The following MED13L variants were observed in gnomAD, a reference collection of about 807,000 sequenced individuals.
MED13L encodes mediator complex subunit 13L.
A neutral mutation model predicts 220.9 loss-of-function variants in MED13L; 7 were observed. That is an observed-to-expected ratio of 0.03 (90% CI 0.02 to 0.06). The LOEUF is 0.06. Ranked by LOEUF, MED13L falls within the 10% of genes least tolerant of loss-of-function variation. MED13L has a pLI of 1.00. For synonymous variants in MED13L, 1,011 were observed against 1,015.2 expected (o/e 1.00, Z 0.08); for missense variants, 1,965 against 2,760.5 (o/e 0.71, Z 6.46).
intron 2 of MED13L, among the ~76,000 whole-genome samples, chr12:116,158,241 A>G (rs2138124044): frequency 6.6e-6 from 1 of 151,944 alleles, no homozygotes; most frequent in Admixed American, 6.6e-5. Context: ...AAAACCTAGG[A>G]TGACTTCAAC....
chr12:115,991,662 C>G lies in MED13L; in HGVS notation c.3292G>C (p.Ala1098Pro). 6.2e-7 allele frequency: 1 copy of G among 1,613,914 alleles called. No individual in the cohort carries two copies. The highest frequency in any genetic ancestry group is 8.5e-7 in the Non-Finnish European group (1 of 1,179,968). Residue 1098 changes from alanine to proline, a missense_variant, in exon 17 of 31, where the codon GCC becomes CCC. By Grantham distance (27) the Ala-to-Pro change is conservative. Around this residue, in one of 10 missense-constraint regions of MED13L, gnomAD observed 233 missense variants for 306.2 expected, o/e 0.76. Transcript: ENST00000281928. This position sits in a 1 kb window ranked among gnomAD's most constrained non-coding sequence, Gnocchi z 7.7. ...GCTTCGGGAATTGGCTGCATGGTGGCGGGCTCCACAGAGTTGAGGGGCCGT... is the reference window on the plus strand; with the variant it reads ...GCTTCGGGAATTGGCTGCATGGTGGGGGGCTCCACAGAGTTGAGGGGCCGT... Reference protein sequence around the residue: ...TTRPLNSVEPATMQPIPEAHS... With the variant: ...TTRPLNSVEPPTMQPIPEAHS...
chr12:116,118,840 T>C (rs1243244300), intron 2 of MED13L, among the ~76,000 whole-genome samples: 3 of 152,236 alleles, frequency 2.0e-5, no homozygotes, highest in Admixed American at 6.5e-5. Flanking sequence ...CACATGTATG[T>C]GCAAACCACT....
chr12:116,177,546 C>A (rs1422599517), intron 2 of MED13L, among the ~76,000 whole-genome samples: 1 of 152,172 alleles, frequency 6.6e-6, no homozygotes, highest in Non-Finnish European at 1.5e-5. Flanking sequence ...AGTCATTTCA[C>A]ATGAAAGTTT....
At chr12:116,076,992 C>T (rs1565865286) in intron 4 of MED13L, among the ~76,000 whole-genome samples, 1 of 152,252 alleles carries the variant, frequency 6.6e-6, no homozygotes. Context: ...GCACTTTCCT[C>T]TCCAGTCAGT....
rs758248319 is a variant in MED13L at position 116,022,505 on chromosome 12, G to A, written c.576C>T (p.Ile192=). ...GAGCCATGTGTATATGCTCCTCATTGATCAAATAAATTGGCTGGTGCTGGG... is the reference window on the plus strand; with the variant it reads ...GAGCCATGTGTATATGCTCCTCATTAATCAAATAAATTGGCTGGTGCTGGG... ...EIAQHQPIYL[I]NEEHIHMAQS... The change falls in exon 5 of 31, where the codon ATC becomes ATT. Residue 192 remains isoleucine, a synonymous_variant. Transcript: ENST00000281928. 1.9e-6 allele frequency: 3 copies of A among 1,613,640 alleles called. No homozygotes were observed. The South Asian group carries it at 3.3e-5, about 18-fold the overall frequency.
intron 1 of MED13L, among the ~76,000 whole-genome samples, chr12:116,238,992 G>A (rs1386140313): frequency 1.3e-5 from 2 of 152,140 alleles, no homozygotes; most frequent in Non-Finnish European, 2.9e-5. Flanking sequence ...CTACTCAGGA[G>A]GCTGAGGCAC....
chr12:116,073,276 C>A (rs1002789099), intron 4 of MED13L, among the ~76,000 whole-genome samples: 3 of 152,026 alleles, frequency 2.0e-5, no homozygotes, highest in African/African-American at 7.2e-5. Flanking sequence ...TTCTACTGAA[C>A]TAGAAAAGGA....
At position 115,961,244 on chromosome 12, in the gene MED13L, G is replaced by C. The variant is rs1300585520; in HGVS notation, c.*22C>G. The C allele has an allele frequency of 6.2e-7, 1 of 1,614,050 alleles. No homozygotes were observed. The highest frequency in any genetic ancestry group is 1.3e-5 in the African/African-American group (1 of 75,058). On this transcript the variant is annotated 3_prime_UTR_variant, in exon 31 of 31. Transcript: ENST00000281928. ...GTTGCAGGGAGAAGGAACTGAGCCA[G>C]AGAGAACAAGTGCTTTTCCAATTAA...
intron 4 of MED13L, among the ~76,000 whole-genome samples, chr12:116,026,152 T>C (rs957019534): frequency 1.3e-5 from 2 of 152,130 alleles, no homozygotes; most frequent in Non-Finnish European, 2.9e-5. Context: ...AAAAAGGATG[T>C]CGGGGGCCAT....
chr12:116,152,668 T>C (rs762282334), intron 2 of MED13L, among the ~76,000 whole-genome samples: 4 of 152,052 alleles, frequency 2.6e-5, no homozygotes, highest in Non-Finnish European at 5.9e-5. Context: ...CTGTTCAACA[T>C]TGGAAAACAA....
At chr12:115,970,494 T>C (rs1876505751) in intron 27 of MED13L, 100 bp downstream of exon 27, 2 of 1,301,278 alleles carry the variant, frequency 1.5e-6, no homozygotes, top group Admixed American at 3.6e-5. Flanking sequence ...CCTGGGTTGT[T>C]TATTACAACA....
chr12:116,171,135 C>T (rs1376746778), intron 2 of MED13L, among the ~76,000 whole-genome samples: 5 of 152,162 alleles, frequency 3.3e-5, no homozygotes, highest in Non-Finnish European at 7.3e-5. Flanking sequence ...TGGGATCTCC[C>T]GAAACGGTCG....
At chr12:116,212,384 T>A (rs1254347772) in intron 2 of MED13L, among the ~76,000 whole-genome samples, 1 of 152,154 alleles carries the variant, frequency 6.6e-6, no homozygotes, top group East Asian at 1.9e-4. Flanking sequence ...CCTGTTTGAA[T>A]AAAAGTAACT....
chr12:116,034,155 C>T (rs1383938536), intron 4 of MED13L, among the ~76,000 whole-genome samples: 1 of 152,094 alleles, frequency 6.6e-6, no homozygotes, highest in Non-Finnish European at 1.5e-5. Flanking sequence ...TCTGTGTATA[C>T]CTCAATCACA....
chr12:115,963,341 G>T, intron 30 of MED13L, 66 bp downstream of exon 30: 3 of 1,309,050 alleles, frequency 2.3e-6, no homozygotes, highest in Non-Finnish European at 3.3e-6. Flanking sequence ...AAAACACCTT[G>T]GAAAGACAAC....
chr12:116,156,755 T>C (rs529109372), intron 2 of MED13L, among the ~76,000 whole-genome samples: 8 of 152,292 alleles, frequency 5.3e-5, no homozygotes, highest in South Asian at 4.1e-4. Flanking sequence ...ACGGACTTCT[T>C]ATCAGCCCTC....
chr12:116,081,532 G>C (rs1342477155), intron 4 of MED13L, among the ~76,000 whole-genome samples: 1 of 152,140 alleles, frequency 6.6e-6, no homozygotes, highest in Middle Eastern at 3.2e-3. Flanking sequence ...CTATATGTTA[G>C]AATATAATTC....
chr12:115,971,475 A>C (rs2137226967), intron 26 of MED13L, among the ~76,000 whole-genome samples: 1 of 152,354 alleles, frequency 6.6e-6, no homozygotes, highest in East Asian at 1.9e-4. Flanking sequence ...TGGTAAAGAT[A>C]GGTTATAAAA....
At chr12:116,229,811 G>C (rs1869377431) in intron 2 of MED13L, among the ~76,000 whole-genome samples, 1 of 152,064 alleles carries the variant, frequency 6.6e-6, no homozygotes, top group Admixed American at 6.5e-5. Flanking sequence ...TATTTAGTAA[G>C]TATGCACTAG....
Sources: gnomAD v4.1 joint callset for allele counts (sites outside exome capture counted in the v4.1 genomes callset) on GRCh38, gnomAD v4.1.1 for gene constraint, gnomAD v4.1.1 regional missense constraint, Gnocchi (gnomAD v3.1) non-coding constraint, MANE v1.5 for transcripts, NCBI Gene and HGNC (gene_info 2026-07-23, HGNC 2026-07-21) for gene names.